ATXN8OS: variants seen among roughly 807,000 people sequenced by gnomAD.
The protein encoded by ATXN8OS is ATXN8 opposite strand lncRNA.
intron 4 of ATXN8OS, among the ~76,000 whole-genome samples, chr13:70,151,806 A>G (rs929399734): frequency 1.3e-5 from 2 of 152,120 alleles, no homozygotes; most frequent in Non-Finnish European, 2.9e-5. Context: ...AAGAGTAATA[A>G]CGACCTGAAT....
intron 4 of ATXN8OS, among the ~76,000 whole-genome samples, chr13:70,168,427 G>A (rs1889104576): frequency 6.6e-6 from 1 of 151,884 alleles, no homozygotes; most frequent in South Asian, 2.1e-4. Flanking sequence ...GCTGACTATA[G>A]TTATCCTACT....
chr13:70,166,124 A>G (rs945661664), intron 4 of ATXN8OS, among the ~76,000 whole-genome samples: 1 of 152,062 alleles, frequency 6.6e-6, no homozygotes, highest in Non-Finnish European at 1.5e-5. Flanking sequence ...TCAGGATAAG[A>G]TGCTGACTAT....
chr13:70,152,020 T>C (rs1388695990), intron 4 of ATXN8OS, among the ~76,000 whole-genome samples: 1 of 152,148 alleles, frequency 6.6e-6, no homozygotes, highest in Non-Finnish European at 1.5e-5. Context: ...AAATCCTTAA[T>C]AACTTAAACC....
chr13:70,121,199 C>A (rs1054587367), intron 2 of ATXN8OS, among the ~76,000 whole-genome samples: 6 of 151,642 alleles, frequency 4.0e-5, no homozygotes, highest in Non-Finnish European at 7.4e-5. Flanking sequence ...CTGAAAAATA[C>A]AAGGAAATGA....
At chr13:70,139,504 A>G (rs1210730833) in intron 3 of ATXN8OS, 13 of 569,554 alleles carry the variant, frequency 2.3e-5, no homozygotes, top group Non-Finnish European at 4.0e-5. Context: ...ACTTCCTCAT[A>G]CTGCTTATCT....
At chr13:70,151,256 T>C (rs925119470) in intron 4 of ATXN8OS, among the ~76,000 whole-genome samples, 2 of 152,156 alleles carry the variant, frequency 1.3e-5, no homozygotes, top group Admixed American at 6.6e-5. Flanking sequence ...ATTATTTATC[T>C]TGTAGAACTG....
At chr13:70,127,491 T>C (rs1424076494) in intron 2 of ATXN8OS, among the ~76,000 whole-genome samples, 1 of 152,072 alleles carries the variant, frequency 6.6e-6, no homozygotes, top group Non-Finnish European at 1.5e-5. Flanking sequence ...GGTATATATG[T>C]AAATGTTAAG....
At chr13:70,138,208 T>C (rs939847352) in intron 3 of ATXN8OS, among the ~76,000 whole-genome samples, 1 of 152,192 alleles carries the variant, frequency 6.6e-6, no homozygotes, top group African/African-American at 2.4e-5. Context: ...ATCAGGACTA[T>C]TGCAATTTTA....
Position 70,140,534 on chromosome 13 carries a change from A to ACACAC in ATXN8OS, n.500-6821_500-6820insCACAC, listed in dbSNP as rs1555300643. 8.6e-3 allele frequency among the ~76,000 whole-genome samples: 238 copies of ACACAC among 27,604 alleles called. 4 individuals are homozygous for ACACAC. Among genetic ancestry groups the ACACAC allele is most frequent in the Non-Finnish European group, 2.6e-3 (31 of 11,738 alleles). The allele number at this position is 27,604 out of a possible 152,430, so 18.1% of individuals were successfully genotyped here. A position where few individuals can be genotyped will look rare whatever the true frequency, so the allele number is the denominator to read the frequency against. ...TGCTTACCATAACACACACACACAC[A>ACACAC]AAAAAAAAAAAACGGAGAAGAAATG... On this transcript the variant is annotated intron_variant and non_coding_transcript_variant, in intron 3 of 4. Transcript: ENST00000678624.
At chr13:70,143,828 T>C (rs1888747608) in intron 3 of ATXN8OS, among the ~76,000 whole-genome samples, 1 of 152,194 alleles carries the variant, frequency 6.6e-6, no homozygotes, top group South Asian at 2.1e-4. Context: ...TTTGGGAGTA[T>C]GGAAATTAGT....
chr13:70,118,536 T>G (rs563750852), intron 2 of ATXN8OS, among the ~76,000 whole-genome samples: 256 of 152,198 alleles, frequency 1.7e-3, no homozygotes, highest in African/African-American at 6.0e-3. Context: ...TATATACATA[T>G]ATGCATTTAT....
chr13:70,118,391 T>G (rs1446792010), intron 2 of ATXN8OS, among the ~76,000 whole-genome samples: 1 of 152,080 alleles, frequency 6.6e-6, no homozygotes, highest in African/African-American at 2.4e-5. Flanking sequence ...TTTATTGAAC[T>G]GGGTATATGG....
intron 3 of ATXN8OS, among the ~76,000 whole-genome samples, chr13:70,140,856 G>T (rs1253952048): frequency 6.6e-6 from 1 of 151,902 alleles, no homozygotes; most frequent in African/African-American, 2.4e-5. Context: ...ACTGGTCTTT[G>T]TGGGCCAGGT....
chr13:70,139,104 A>G, intron 3 of ATXN8OS: 1 of 402,744 alleles, frequency 2.5e-6, no homozygotes, highest in Non-Finnish European at 4.4e-6. Flanking sequence ...ATTTTGGTAA[A>G]TAATACCTTT....
At chr13:70,116,192 C>T (rs1888275641) in intron 2 of ATXN8OS, among the ~76,000 whole-genome samples, 1 of 151,146 alleles carries the variant, frequency 6.6e-6, no homozygotes, top group East Asian at 1.9e-4. Context: ...AATCTGTGCC[C>T]TCAAGCACCT....
At chr13:70,141,543 C>T (rs555465815) in intron 3 of ATXN8OS, among the ~76,000 whole-genome samples, 1 of 152,110 alleles carries the variant, frequency 6.6e-6, no homozygotes, top group East Asian at 1.9e-4. Flanking sequence ...AAAAAGAAAA[C>T]TTATAATGCC....
intron 3 of ATXN8OS, chr13:70,129,929 T>C (rs1888506512): frequency 5.0e-6 from 2 of 398,306 alleles, no homozygotes; most frequent in East Asian, 7.1e-5. Flanking sequence ...GCCAGGTGTG[T>C]GCCATTAGTG....
chr13:70,163,911 T>C (rs915552373), intron 4 of ATXN8OS, among the ~76,000 whole-genome samples: 1 of 151,338 alleles, frequency 6.6e-6, no homozygotes, highest in Non-Finnish European at 1.5e-5. Context: ...TTTTGCCTGA[T>C]AGAATAAATA....
chr13:70,139,268 C>T (rs1279217849), intron 3 of ATXN8OS: 10 of 474,624 alleles, frequency 2.1e-5, no homozygotes, highest in South Asian at 4.8e-5. Flanking sequence ...CCAGCTTCCA[C>T]GGAGAGATTA....
Sources: allele counts gnomAD v4.1 joint callset (sites outside exome capture counted in the v4.1 genomes callset), GRCh38; gene constraint gnomAD v4.1.1; transcripts MANE v1.5; gene names NCBI Gene and HGNC (gene_info 2026-07-23, HGNC 2026-07-21).